The following CD274 variants were observed in gnomAD, a reference collection of about 807,000 sequenced individuals.
CD274 encodes the protein programmed cell death 1 ligand 1.
CD274 carries 8 observed loss-of-function variants against 30.1 expected under a neutral mutation model. The observed-to-expected ratio is 0.27, with a 90% CI of 0.16 to 0.48. CD274 has a LOEUF of 0.48. Among genes scored for constraint, CD274 ranks in the 20% least tolerant of loss-of-function variants. The pLI, the probability that CD274 is intolerant of heterozygous loss-of-function variation, is 0.99. For missense variants in CD274, 353 were observed against 346.6 expected (o/e 1.02, Z -0.15); for synonymous variants, 152 against 124.6 (o/e 1.22, Z -1.46).
At chr9:5,464,380 A>T (rs968568626) in intron 4 of CD274, among the ~76,000 whole-genome samples, 2 of 152,106 alleles carry the variant, frequency 1.3e-5, no homozygotes, top group African/African-American at 4.8e-5. Context: ...AATAAAACAT[A>T]CGTGAACAGG....
intron 1 of CD274, among the ~76,000 whole-genome samples, chr9:5,452,001 AG>A (rs1308287197): frequency 6.7e-6 from 1 of 149,672 alleles, no homozygotes; most frequent in East Asian, 2.0e-4. Context: ...CTTTTGAGAA[AG>A]GAAGTTTAAC....
In CD274 at chr9:5,468,500, T is replaced by A. The variant is rs1338426757; in HGVS notation, c.*638T>A. 1.7e-5 allele frequency: 4 copies of A among 232,962 alleles called. No individual in the cohort carries two copies. The highest frequency in any genetic ancestry group is 8.8e-5 in the African/African-American group (4 of 45,340). The allele number at this position is 232,962 out of a possible 1,614,324, so 14.4% of individuals were successfully genotyped here. On this transcript the variant is annotated 3_prime_UTR_variant, in exon 7 of 7. Coordinates refer to ENST00000381577, the MANE Select transcript of CD274 (RefSeq NM_014143.4). ...TAAGGTGCTTGGTCTCCTCTATAAC[T>A]ACAAGTATACATTGGAAGCATAAAG...
chr9:5,451,500 G>C (rs1054390138), intron 1 of CD274, among the ~76,000 whole-genome samples: 2 of 152,140 alleles, frequency 1.3e-5, no homozygotes, highest in Admixed American at 6.5e-5. Flanking sequence ...ATATTTTAAA[G>C]GCCTTTTGAA....
intron 2 of CD274, 50 bp from the exon 3 acceptor site, chr9:5,457,029 T>A: frequency 7.6e-7 from 1 of 1,315,298 alleles, no homozygotes; most frequent in Non-Finnish European, 1.1e-6. Context: ...ATTTTGTAAA[T>A]GTTTCGAGGA....
chr9:5,451,592 T>G (rs1056389296), intron 1 of CD274, among the ~76,000 whole-genome samples: 1 of 152,210 alleles, frequency 6.6e-6, no homozygotes, highest in Non-Finnish European at 1.5e-5. Flanking sequence ...ACTATGATAC[T>G]CTGAAGAAAA....
intron 5 of CD274, 96 bp downstream of exon 5, chr9:5,465,702 G>A: frequency 1.4e-6 from 1 of 736,250 alleles, no homozygotes; most frequent in Admixed American, 2.2e-5. Flanking sequence ...ACCTCTGCAA[G>A]GTGGTGCAAA....
rs1819563456 is a variant in CD274 at position 5,470,009 on chromosome 9, A to G, written c.*2147A>G. ...GAAAAGCCTCATTCGTTGTGCTTGA[A>G]CCCTTGAATGCCACCAGCTGTCATC... On this transcript the variant is annotated 3_prime_UTR_variant, in exon 7 of 7. Coordinates refer to ENST00000381577, the MANE Select transcript of CD274 (RefSeq NM_014143.4). 1 of 232,876 alleles carries G rather than the reference A, an allele frequency of 4.3e-6. No individual in the cohort carries two copies. The allele number at this position is 232,876 out of a possible 1,614,324, so 14.4% of individuals were successfully genotyped here. A position where few individuals can be genotyped will look rare whatever the true frequency, so the allele number is the denominator to read the frequency against.
Position 5,467,951 on chromosome 9 carries a change from A to G in CD274, c.*89A>G. 2.5e-6 allele frequency: 3 copies of G among 1,178,426 alleles called. No homozygotes were observed. The highest frequency in any genetic ancestry group is 1.2e-5 in the South Asian group (1 of 81,850). The allele number at this position is 1,178,426 out of a possible 1,614,324, so 73.0% of individuals were successfully genotyped here. A position where few individuals can be genotyped will look rare whatever the true frequency, so the allele number is the denominator to read the frequency against. On this transcript the variant is annotated 3_prime_UTR_variant, in exon 7 of 7. Transcript: ENST00000381577. The stretch of plus-strand genomic sequence containing the variant: ...GGGCTGAGCGTGACAAGAGGAAGGA[A>G]TGGGCCCGTGGGATGCAGGCAATGT...
Position 5,452,109 on chromosome 9 carries a change from C to T in CD274, c.-15+1513C>T, listed in dbSNP as rs1362758819. Among the ~76,000 whole-genome samples, 9 of 151,304 alleles carry T rather than the reference C, an allele frequency of 5.9e-5. No individual in the cohort carries two copies. The East Asian group carries it at 9.7e-4, about 16-fold the overall frequency. On this transcript the variant is annotated intron_variant, in intron 1 of 6. Transcript: ENST00000381577. Reference sequence around the variant, plus strand: ...GGTGCAATCTCAGCTCACTGCCTCCCGGGTTCAAGTGATTCTCCTGCCTCA... The same window carrying T: ...GGTGCAATCTCAGCTCACTGCCTCCTGGGTTCAAGTGATTCTCCTGCCTCA...
intron 6 of CD274, among the ~76,000 whole-genome samples, chr9:5,467,202 A>AAGAGAGAG (rs79234686): frequency 2.0e-5 from 3 of 149,520 alleles, no homozygotes; most frequent in Non-Finnish European, 4.5e-5. Flanking sequence ...GCCATTACCA[A>AAGAGAGAG]AGAGAGAGAG....
At chr9:5,460,294 G>A (rs1193070717) in intron 3 of CD274, among the ~76,000 whole-genome samples, 2 of 152,128 alleles carry the variant, frequency 1.3e-5, no homozygotes, top group Non-Finnish European at 2.9e-5. Context: ...AGGAGGAAGA[G>A]GAGCAGCTCT....
chr9:5,457,009 C>T (rs1016343174), intron 2 of CD274, 70 bp from the exon 3 acceptor site: 86 of 1,044,248 alleles, frequency 8.2e-5, no homozygotes, highest in South Asian at 3.8e-4. Context: ...GATTTATAAA[C>T]GCTGTGCCAA....
intron 1 of CD274, among the ~76,000 whole-genome samples, chr9:5,455,188 A>T (rs1819278988): frequency 6.6e-6 from 1 of 152,174 alleles, no homozygotes; most frequent in African/African-American, 2.4e-5. Flanking sequence ...CAGAAGAGGG[A>T]GAAAATATTA....
rs1019082562 is a variant in CD274 at position 5,452,750 on chromosome 9, T to G, written c.-15+2154T>G. 4.6e-5 allele frequency among the ~76,000 whole-genome samples: 7 copies of G among 152,288 alleles called. No homozygotes were observed. In the East Asian group the frequency reaches 1.2e-3, roughly 25 times the overall value. On this transcript the variant is annotated intron_variant, in intron 1 of 6. Transcript: ENST00000381577. ...CCATCACCCTCCAGGAAGCCTTTATTACTCCTAAAAATTTCAACCAAATTC... is the reference window on the plus strand; with the variant it reads ...CCATCACCCTCCAGGAAGCCTTTATGACTCCTAAAAATTTCAACCAAATTC...
rs1464718065 is a variant in CD274 at position 5,456,991 on chromosome 9, G to GATTT, written c.53-86_53-85insTTAT. Reference sequence around the variant, plus strand: ...AATATAATGATAACATAACCGACCAGATAAAGTGATTTATAAACGCTGTGC... The same window carrying GATTT: ...AATATAATGATAACATAACCGACCAGATTTATAAAGTGATTTATAAACGCTGTGC... On this transcript the variant is annotated intron_variant, in intron 2 of 6. Transcript: ENST00000381577. 7 of 845,468 alleles carry GATTT rather than the reference G, an allele frequency of 8.3e-6. No homozygotes were observed. In the East Asian group the frequency reaches 1.7e-4, roughly 21 times the overall value. 52.4% of individuals were successfully genotyped at this position (845,468 alleles called of 1,614,324 possible). A position where few individuals can be genotyped will look rare whatever the true frequency, so the allele number is the denominator to read the frequency against.
intron 3 of CD274, among the ~76,000 whole-genome samples, chr9:5,457,794 G>C (rs1445394835): frequency 6.6e-6 from 1 of 152,168 alleles, no homozygotes; most frequent in African/African-American, 2.4e-5. Flanking sequence ...ATCTCCCATG[G>C]CATGCAGAGA....
intron 2 of CD274, 69 bp downstream of exon 2, chr9:5,456,234 T>C (rs990692393): frequency 7.8e-6 from 8 of 1,031,378 alleles, no homozygotes; most frequent in Middle Eastern, 2.2e-4. Context: ...AAAACTAAAA[T>C]GATCATTTAA....
At chr9:5,454,688 G>A (rs1173559468) in intron 1 of CD274, among the ~76,000 whole-genome samples, 2 of 152,006 alleles carry the variant, frequency 1.3e-5, no homozygotes, top group Non-Finnish European at 2.9e-5. Flanking sequence ...TTCTAGGAGA[G>A]GGTGAAAGGT....
At chr9:5,453,336 T>C (rs995958540) in intron 1 of CD274, among the ~76,000 whole-genome samples, 1 of 152,118 alleles carries the variant, frequency 6.6e-6, no homozygotes, top group Admixed American at 6.5e-5. Flanking sequence ...AGCAAAAAAA[T>C]AATATTTTTT....
Sources: allele counts gnomAD v4.1 joint callset (sites outside exome capture counted in the v4.1 genomes callset), GRCh38; gene constraint gnomAD v4.1.1; transcripts MANE v1.5; gene names NCBI Gene and HGNC (gene_info 2026-07-23, HGNC 2026-07-21).